Variants in KIFC3 observed in about 807,000 individuals in gnomAD.
KIFC3 encodes the protein kinesin-like protein KIFC3.
A neutral mutation model predicts 101.8 loss-of-function variants in KIFC3; 60 were observed. That is an observed-to-expected ratio of 0.59 (90% confidence interval 0.48 to 0.73). The LOEUF is 0.73. KIFC3 is among the 30% of genes least tolerant of loss of function. KIFC3 has a pLI of 0.00. For synonymous variants in KIFC3, 476 were observed against 482.7 expected, an observed-to-expected ratio of 0.99 and a Z score of 0.18; for missense variants, 966 against 1,137.1, an observed-to-expected ratio of 0.85 and a Z score of 2.16.
chr16:57,778,518 C>G (rs942676731), intron 3 of KIFC3, among the ~76,000 whole-genome samples: 1 of 152,162 alleles, frequency 6.6e-6, no homozygotes, highest in African/African-American at 2.4e-5. Flanking sequence ...GTGGAAAATA[C>G]TCGCAAATCA....
At chr16:57,770,124 T>C (rs1399396365) in intron 7 of KIFC3, among the ~76,000 whole-genome samples, 169 bp from the exon 8 acceptor site, 2 of 152,096 alleles carry the variant, frequency 1.3e-5, no homozygotes, top group Non-Finnish European at 2.9e-5. Flanking sequence ...CCTACAGGGC[T>C]GTGAGCTCTG....
chr16:57,775,199 G>A (rs932016568), intron 3 of KIFC3: 16 of 1,335,662 alleles, frequency 1.2e-5, no homozygotes, highest in Middle Eastern at 2.8e-4. Context: ...GGCCGCAACC[G>A]CAACCAGGGC....
chr16:57,847,392 C>A (rs2055954646), intron 1 of KIFC3, among the ~76,000 whole-genome samples: 1 of 151,980 alleles, frequency 6.6e-6, no homozygotes, highest in Admixed American at 6.6e-5. Context: ...GAGTTCGAGA[C>A]CAGCCTGGGC....
intron 3 of KIFC3, among the ~76,000 whole-genome samples, chr16:57,794,515 C>T (rs376557544): frequency 6.1e-4 from 93 of 152,250 alleles, no homozygotes; most frequent in African/African-American, 2.0e-3. Context: ...CCTGAGCCAC[C>T]GCGCCTAGCC....
At chr16:57,842,382 G>C (rs1567335849) in intron 1 of KIFC3, among the ~76,000 whole-genome samples, 1 of 152,108 alleles carries the variant, frequency 6.6e-6, no homozygotes, top group Non-Finnish European at 1.5e-5. Flanking sequence ...TATTTATGGA[G>C]TGAAGAAATC....
chr16:57,812,792 A>G lies in KIFC3; in HGVS notation c.109-14510T>C, dbSNP rs1480488995. 2.0e-5 allele frequency among the ~76,000 whole-genome samples: 3 copies of G among 152,086 alleles called. No homozygotes were observed. In the East Asian group the frequency reaches 5.8e-4, roughly 29 times the overall value. ...CTCAGTTGCCTGGAAACATCTTAAC[A>G]CTCCAGAAAGTGTGAGTAAGGAATA... On this transcript the variant is annotated intron_variant, in intron 1 of 2. Transcript: ENST00000563028.
At chr16:57,815,401 C>T in intron 1 of KIFC3, 12 of 1,175,658 alleles carry the variant, frequency 1.0e-5, no homozygotes, top group South Asian at 9.6e-5. Context: ...CACCGCACCC[C>T]ACCACCGCCA....
chr16:57,823,862 C>A (rs1448497947), intron 1 of KIFC3, among the ~76,000 whole-genome samples: 1 of 151,900 alleles, frequency 6.6e-6, no homozygotes, highest in Non-Finnish European at 1.5e-5. Context: ...CTCCTGACCT[C>A]ATGATCTGCC....
chr16:57,824,805 A>G (rs1283152489), intron 1 of KIFC3, among the ~76,000 whole-genome samples: 1 of 152,162 alleles, frequency 6.6e-6, no homozygotes, highest in Non-Finnish European at 1.5e-5. Flanking sequence ...CACCCCCGGT[A>G]CCTTTTTCTA....
At chr16:57,862,396 T>C (rs1405206535) in intron 1 of KIFC3, among the ~76,000 whole-genome samples, 3 of 152,142 alleles carry the variant, frequency 2.0e-5, no homozygotes, top group African/African-American at 7.2e-5. Flanking sequence ...GAATTTTCCA[T>C]TTAATATTTT....
chr16:57,784,575 G>GA (rs1568016606), intron 3 of KIFC3, among the ~76,000 whole-genome samples: 1 of 152,208 alleles, frequency 6.6e-6, no homozygotes, highest in Non-Finnish European at 1.5e-5. Context: ...ATGGGACACA[G>GA]AAAGAACTTA....
intron 2 of KIFC3, 129 bp from the exon 3 acceptor site, chr16:57,795,270 G>A: frequency 1.7e-6 from 2 of 1,157,830 alleles, no homozygotes; most frequent in Non-Finnish European, 2.4e-6. Context: ...GATGTGGCCA[G>A]GAGGGGCTCA....
chr16:57,845,773 T>G (rs2149319274), intron 1 of KIFC3, among the ~76,000 whole-genome samples: 1 of 152,334 alleles, frequency 6.6e-6, no homozygotes, highest in East Asian at 1.9e-4. Context: ...GTCTTCGCAC[T>G]TAACACCTTC....
intron 2 of KIFC3, among the ~76,000 whole-genome samples, chr16:57,795,768 A>G (rs2054242677): frequency 6.6e-6 from 1 of 151,554 alleles, no homozygotes; most frequent in African/African-American, 2.4e-5. Flanking sequence ...CAGCCTCACG[A>G]GTCATGAGGC....
At position 57,769,923 on chromosome 16, in the gene KIFC3, G is replaced by C; in HGVS notation, c.972C>G (p.Ala324=). The C allele has an allele frequency of 1.2e-6, 2 of 1,613,516 alleles. No individual in the cohort carries two copies. Among genetic ancestry groups the C allele is most frequent in the South Asian group, 2.2e-5 (2 of 91,076 alleles). ...IAMYESELER[A]HGQMLEEMQS... The stretch of plus-strand genomic sequence containing the variant: ...GCATCTCCTCCAGCATCTGCCCATG[G>C]GCCCGCTCCAGCTCTGACTCGTACA... Residue 324 remains alanine (A), a synonymous_variant, in exon 8 of 20, where the codon GCC becomes GCG. Coordinates refer to ENST00000445690, the MANE Select transcript of KIFC3 (RefSeq NM_001130100.2). This position sits in a 1 kb window ranked among gnomAD's most constrained non-coding sequence, Gnocchi z 4.3.
At chr16:57,796,592 G>A (rs1265349247) in intron 2 of KIFC3, among the ~76,000 whole-genome samples, 6 of 152,196 alleles carry the variant, frequency 3.9e-5, no homozygotes, top group Non-Finnish European at 7.3e-5. Flanking sequence ...CAGGCACGGC[G>A]CTTGCATTTC....
Position 57,762,353 on chromosome 16 carries a change from C to T in KIFC3, c.1618-83G>A, listed in dbSNP as rs1016609216. On this transcript the variant is annotated intron_variant, in intron 12 of 19. Transcript: ENST00000445690. Reference sequence around the variant, plus strand: ...GGTGTCTGTCCCCAAAGCCCCTTGACTACCCCTCACAAGCAAGCCTCCTTG... The same window carrying T: ...GGTGTCTGTCCCCAAAGCCCCTTGATTACCCCTCACAAGCAAGCCTCCTTG... The T allele has an allele frequency of 1.6e-5, 21 of 1,351,766 alleles. No individual in the cohort carries two copies. In the African/African-American group the frequency reaches 3.1e-4, roughly 20 times the overall value. 83.7% of individuals were successfully genotyped at this position (1,351,766 alleles called of 1,614,324 possible).
At chr16:57,790,572 G>A (rs1313308574) in intron 3 of KIFC3, among the ~76,000 whole-genome samples, 1 of 152,056 alleles carries the variant, frequency 6.6e-6, no homozygotes, top group African/African-American at 2.4e-5. Context: ...GCTCTTCCTC[G>A]GCTAAGCTGT....
chr16:57,835,726 G>T (rs2055672040), intron 1 of KIFC3, among the ~76,000 whole-genome samples: 1 of 152,184 alleles, frequency 6.6e-6, no homozygotes. Context: ...GAGGCAGGCA[G>T]ATCACTTGAG....
Sources: gnomAD v4.1 joint callset for allele counts (sites outside exome capture counted in the v4.1 genomes callset) on GRCh38, gnomAD v4.1.1 for gene constraint, Gnocchi (gnomAD v3.1) non-coding constraint, MANE v1.5 for transcripts, NCBI Gene and HGNC (gene_info 2026-07-23, HGNC 2026-07-21) for gene names.